The following ZMYM4 variants were observed in gnomAD, a reference collection of about 807,000 sequenced individuals.
ZMYM4 encodes zinc finger MYM-type protein 4.
ZMYM4 carries 31 observed loss-of-function variants against 183.2 expected under a neutral mutation model. The observed-to-expected ratio is 0.17, with a 90% CI of 0.13 to 0.23. The LOEUF (loss-of-function observed/expected upper bound fraction) is 0.23, where lower values mean the gene tolerates loss of function less well. ZMYM4 is among the 10% of genes least tolerant of loss of function. ZMYM4 has a pLI of 1.00. For synonymous variants in ZMYM4, 592 were observed against 631.2 expected (o/e 0.94, Z 0.93); for missense variants, 1,273 against 1,840.3 (o/e 0.69, Z 5.64).
chr1:35,320,764 G>A (rs1642247223), intron 1 of ZMYM4, among the ~76,000 whole-genome samples: 3 of 152,190 alleles, frequency 2.0e-5, no homozygotes, highest in African/African-American at 4.8e-5. Flanking sequence ...GGTGTGTGAT[G>A]AAAAAGTCCC....
At chr1:35,374,701 T>A (rs1159596438) in intron 7 of ZMYM4, among the ~76,000 whole-genome samples, 1 of 151,938 alleles carries the variant, frequency 6.6e-6, no homozygotes, top group East Asian at 1.9e-4. Flanking sequence ...GTCATAGATT[T>A]TTTTTTTTAA....
intron 21 of ZMYM4, 73 bp downstream of exon 21, chr1:35,398,539 C>T: frequency 7.6e-7 from 1 of 1,313,276 alleles, no homozygotes; most frequent in Non-Finnish European, 1.1e-6. Flanking sequence ...ATATTAGTAC[C>T]CTTGGATTTC....
In ZMYM4 at chr1:35,415,671, T is replaced by C. The variant is rs1640085667; in HGVS notation, c.4266T>C (p.Tyr1422=). 1.9e-6 allele frequency: 3 copies of C among 1,614,002 alleles called. No homozygotes were observed. The highest frequency in any genetic ancestry group is 2.5e-6 in the Non-Finnish European group (3 of 1,180,042). The change falls in exon 28 of 30, where the codon TAT becomes TAC. Residue 1422 remains tyrosine, a synonymous_variant. Coordinates refer to ENST00000314607, the MANE Select transcript of ZMYM4 (RefSeq NM_005095.3). ...TGAAGTACAGTACCAAGATGACATA[T>C]CTGAGGTTCTTCCCACCTTTACAGA... The part of the protein sequence containing the change: ...RTLKYSTKMT[Y]LRFFPPLQKQ...
Position 35,388,894 on chromosome 1 carries a change from C to T in ZMYM4, c.2264-16C>T, listed in dbSNP as rs756243289. 1.1e-5 allele frequency: 17 copies of T among 1,612,220 alleles called. No homozygotes were observed. Among genetic ancestry groups the T allele is most frequent in the Non-Finnish European group, 1.4e-5 (17 of 1,178,940 alleles). On this transcript the variant is annotated splice_polypyrimidine_tract_variant and intron_variant, in intron 13 of 29. Transcript: ENST00000314607. ...TACTTCTACCTAATGTTAATTTTAT[C>T]TTTCCTGATTTTTAGGTTGCAAATT...
chr1:35,311,823 CTTCA>C (rs1228161924), intron 1 of ZMYM4, among the ~76,000 whole-genome samples: 19 of 152,170 alleles, frequency 1.2e-4, no homozygotes, highest in Non-Finnish European at 8.8e-5. Context: ...TTCTGTTGCT[CTTCA>C]TTCTCAATTT....
rs767939934 is a variant in ZMYM4 at position 35,405,121 on chromosome 1, TG to T, written c.3631del (p.Val1211Ter). The T allele has an allele frequency of 6.2e-7, 1 of 1,614,020 alleles. No individual in the cohort carries two copies. ...CCGGGATGACACTGAAATACATGTA[TG>T]GGGTAAATGCTTGGAAGAACTGGGT... is the stretch of plus-strand genomic sequence containing the variant. ...VSGMTLKYMY[G>X]VNAWKNWVQW... is the part of the protein sequence containing the mutation. On this transcript the variant is annotated frameshift_variant, in exon 24 of 30. Coordinates refer to ENST00000314607, the MANE Select transcript of ZMYM4 (RefSeq NM_005095.3). LOFTEE classifies it high-confidence loss of function.
chr1:35,333,403 G>T (rs1642840381), intron 2 of ZMYM4, among the ~76,000 whole-genome samples: 1 of 151,816 alleles, frequency 6.6e-6, no homozygotes, highest in Non-Finnish European at 1.5e-5. Flanking sequence ...GACTACAGGT[G>T]CGCCACCACA....
intron 1 of ZMYM4, among the ~76,000 whole-genome samples, chr1:35,285,753 G>C (rs1246144155): frequency 2.0e-5 from 3 of 152,104 alleles, no homozygotes; most frequent in African/African-American, 7.2e-5. Flanking sequence ...GGTATCTTTG[G>C]GGGGTCCAGG....
intron 25 of ZMYM4, 93 bp from the exon 26 acceptor site, chr1:35,407,915 T>C: frequency 6.6e-7 from 1 of 1,519,168 alleles, no homozygotes; most frequent in Non-Finnish European, 9.0e-7. Context: ...CCGCAGTGCC[T>C]GGAGCACAGT....
Position 35,405,471 on chromosome 1 carries a change from A to C in ZMYM4, c.3796+3A>C, listed in dbSNP as rs377237786. 3 of 1,591,108 alleles carry C rather than the reference A, an allele frequency of 1.9e-6. No homozygotes were observed. The highest frequency in any genetic ancestry group is 2.6e-6 in the Non-Finnish European group (3 of 1,171,366). On this transcript the variant is annotated splice_donor_region_variant and intron_variant, in intron 25 of 29. Coordinates refer to ENST00000314607, the MANE Select transcript of ZMYM4 (RefSeq NM_005095.3). Reference sequence around the variant, plus strand: ...ATCCTCAGAGCCAGGCTGTAGAGGTAAAATTTGTTTCTCTCCATTTGGTAT... The same window carrying C: ...ATCCTCAGAGCCAGGCTGTAGAGGTCAAATTTGTTTCTCTCCATTTGGTAT...
chr1:35,395,181 C>G (rs1472207151), intron 18 of ZMYM4, among the ~76,000 whole-genome samples: 1 of 149,198 alleles, frequency 6.7e-6, no homozygotes, highest in Admixed American at 6.7e-5. Context: ...AATAGCAAGG[C>G]TCTAAATGAT....
chr1:35,314,465 A>G (rs1205890862), intron 1 of ZMYM4, among the ~76,000 whole-genome samples: 1 of 151,270 alleles, frequency 6.6e-6, no homozygotes, highest in African/African-American at 2.4e-5. Context: ...TTGTATTTTT[A>G]GTAGAGACGG....
chr1:35,335,826 G>T (rs566420025), intron 2 of ZMYM4, among the ~76,000 whole-genome samples: 1 of 152,050 alleles, frequency 6.6e-6, no homozygotes, highest in African/African-American at 2.4e-5. Flanking sequence ...GATGGCAGGC[G>T]CATGTAGTCC....
chr1:35,303,004 A>T (rs1641359157), intron 1 of ZMYM4, among the ~76,000 whole-genome samples: 1 of 151,294 alleles, frequency 6.6e-6, no homozygotes, highest in South Asian at 2.1e-4. Flanking sequence ...TCCAGGGCAT[A>T]GTGACCACGC....
chr1:35,371,632 T>G (rs1283456395), intron 7 of ZMYM4, among the ~76,000 whole-genome samples: 1 of 152,194 alleles, frequency 6.6e-6, no homozygotes, highest in Admixed American at 6.5e-5. Context: ...ATCAGGCTAC[T>G]CAAACCATGA....
At position 35,330,743 on chromosome 1, in the gene ZMYM4, A is replaced by T. The variant is rs147181664; in HGVS notation, c.85+5338A>T. ...CTAAGGAGCAAACTAAGGCTTAGAG[A>T]CATCATTTCACTTTTAAGTGATGGA... On this transcript the variant is annotated intron_variant, in intron 2 of 29. Transcript: ENST00000314607. Among the ~76,000 whole-genome samples the T allele has an allele frequency of 8.3e-3, 1,265 of 152,272 alleles. 8 individuals are homozygous for T. Among genetic ancestry groups the T allele is most frequent in the Non-Finnish European group, 0.014 (926 of 68,014 alleles).
At chr1:35,419,377 A>G (rs190405431) in intron 29 of ZMYM4, 93 bp from the exon 30 acceptor site, 2 of 1,387,570 alleles carry the variant, frequency 1.4e-6, no homozygotes, top group East Asian at 2.3e-5. Flanking sequence ...TTTAATGGCA[A>G]AAACCTCAGT....
chr1:35,351,616 A>G, intron 2 of ZMYM4: 1 of 641,404 alleles, frequency 1.6e-6, no homozygotes. Flanking sequence ...AAACCAAACA[A>G]TTTTCTATGA....
At chr1:35,354,101 G>T (rs937544872) in intron 2 of ZMYM4, among the ~76,000 whole-genome samples, 1 of 151,998 alleles carries the variant, frequency 6.6e-6, no homozygotes, top group East Asian at 1.9e-4. Context: ...ATGAGCCGTG[G>T]TCATGCCACT....
Sources: gnomAD v4.1 joint callset for allele counts (sites outside exome capture counted in the v4.1 genomes callset) on GRCh38, gnomAD v4.1.1 for gene constraint, MANE v1.5 for transcripts, NCBI Gene and HGNC (gene_info 2026-07-23, HGNC 2026-07-21) for gene names.